The following FBXL2 variants were observed in gnomAD, a reference collection of about 807,000 sequenced individuals.
The protein encoded by FBXL2 is F-box and leucine rich repeat protein 2.
A neutral mutation model predicts 69.2 loss-of-function variants in FBXL2; 38 were observed. That is an observed-to-expected ratio of 0.55 (90% CI 0.42 to 0.72). The LOEUF is 0.72. FBXL2 is among the 30% of genes least tolerant of loss of function. The pLI, the probability that FBXL2 is intolerant of heterozygous loss-of-function variation, is 0.00. For missense variants in FBXL2, 354 were observed against 520.3 expected (o/e 0.68, Z 3.11); for synonymous variants, 192 against 201.3 (o/e 0.95, Z 0.39).
intron 2 of FBXL2, among the ~76,000 whole-genome samples, chr3:33,340,329 C>A (rs1008365651): frequency 6.6e-6 from 1 of 151,966 alleles, no homozygotes; most frequent in Non-Finnish European, 1.5e-5. Flanking sequence ...ACTGAACATG[C>A]AATAATGACC....
chr3:33,330,758 G>A (rs894487408), intron 2 of FBXL2, among the ~76,000 whole-genome samples: 3 of 151,846 alleles, frequency 2.0e-5, no homozygotes, highest in Admixed American at 2.0e-4. Context: ...GTGTAGTGGC[G>A]TGTGCCTGTA....
At chr3:33,338,092 T>TC (rs1447999464) in intron 2 of FBXL2, among the ~76,000 whole-genome samples, 1 of 152,194 alleles carries the variant, frequency 6.6e-6, no homozygotes, top group South Asian at 2.1e-4. Flanking sequence ...GCCTTTTTTT[T>TC]CACAGAATTA....
chr3:33,412,894 C>A, the FBXL2 span: 23 of 1,017,230 alleles, frequency 2.3e-5, 1 homozygote, highest in South Asian at 2.8e-4. Flanking sequence ...ACCATTTCTA[C>A]TTCTTATGTG....
intron 1 of FBXL2, among the ~76,000 whole-genome samples, chr3:33,288,143 C>T (rs1031534986): frequency 2.0e-5 from 3 of 152,204 alleles, no homozygotes; most frequent in Non-Finnish European, 4.4e-5. Flanking sequence ...TCTAAGGAGA[C>T]AGAACAGGGC....
intron 13 of FBXL2, among the ~76,000 whole-genome samples, chr3:33,379,959 A>G (rs1178631536): frequency 1.3e-5 from 2 of 152,152 alleles, no homozygotes; most frequent in Non-Finnish European, 2.9e-5. Context: ...AGGGCTGGGC[A>G]CGGTGGCTCA....
At chr3:33,335,529 G>C (rs1258928482) in intron 2 of FBXL2, among the ~76,000 whole-genome samples, 1 of 152,110 alleles carries the variant, frequency 6.6e-6, no homozygotes, top group East Asian at 1.9e-4. Context: ...GACAGAACGA[G>C]ACCCTGTCTC....
chr3:33,372,776 C>G, intron 5 of FBXL2: 1 of 468,918 alleles, frequency 2.1e-6, no homozygotes, highest in South Asian at 2.5e-5. Flanking sequence ...GGCCTCTATT[C>G]TCATGATTCG....
Position 33,353,711 on chromosome 3 carries a change from C to T in FBXL2, c.66-5256C>T, listed in dbSNP as rs561651024. Among the ~76,000 whole-genome samples, 3 of 152,206 alleles carry T rather than the reference C, an allele frequency of 2.0e-5. No homozygotes were observed. In the South Asian group the frequency reaches 6.2e-4, roughly 32 times the overall value. On this transcript the variant is annotated intron_variant, in intron 2 of 14. Transcript: ENST00000484457. ...CAAGACCAACCTGGACAACATAGAC[C>T]CCATCTCTTCAAAAAATTTTTTTTT... is the stretch of plus-strand genomic sequence containing the variant.
At chr3:33,345,308 C>G (rs187302839) in intron 2 of FBXL2, among the ~76,000 whole-genome samples, 9 of 152,096 alleles carry the variant, frequency 5.9e-5, no homozygotes, top group Non-Finnish European at 7.4e-5. Flanking sequence ...TTTGCACAAC[C>G]CTTTTTCCAA....
At chr3:33,403,326 G>A (rs568438185) in exon 13 of FBXL2, 2 of 237,002 alleles carry the variant, frequency 8.4e-6, no homozygotes, top group Admixed American at 5.3e-5. Flanking sequence ...CCTGAAACAT[G>A]GCTCTGACCT....
At chr3:33,292,146 G>A (rs1187680692) in intron 1 of FBXL2, among the ~76,000 whole-genome samples, 2 of 152,150 alleles carry the variant, frequency 1.3e-5, no homozygotes, top group African/African-American at 2.4e-5. Flanking sequence ...TTGGAAGGCC[G>A]AGGCAGGTGG....
intron 9 of FBXL2, among the ~76,000 whole-genome samples, chr3:33,374,194 C>T (rs955264371): frequency 1.3e-5 from 2 of 152,102 alleles, no homozygotes; most frequent in South Asian, 2.1e-4. Context: ...GTATTAGGGA[C>T]GCTATTGAGG....
chr3:33,348,798 T>C (rs1196434170), intron 2 of FBXL2, among the ~76,000 whole-genome samples: 1 of 152,150 alleles, frequency 6.6e-6, no homozygotes, highest in Non-Finnish European at 1.5e-5. Flanking sequence ...ATTTCATTAG[T>C]GTTTTATATT....
downstream of FBXL2, among the ~76,000 whole-genome samples, chr3:33,405,457 AATTT>A (rs1378102120): frequency 3.3e-5 from 5 of 152,320 alleles, 1 homozygote; most frequent in African/African-American, 1.2e-4. Context: ...CAGCTATTTA[AATTT>A]ATGATGAAAA....
intron 11 of FBXL2, among the ~76,000 whole-genome samples, chr3:33,377,656 C>T (rs1209897299): frequency 1.3e-5 from 2 of 152,180 alleles, no homozygotes; most frequent in African/African-American, 4.8e-5. Context: ...TGCCCTTTGT[C>T]CTGCAAACAC....
chr3:33,320,421 G>A (rs1164187215), intron 2 of FBXL2, among the ~76,000 whole-genome samples: 1 of 150,898 alleles, frequency 6.6e-6, no homozygotes, highest in African/African-American at 2.4e-5. Flanking sequence ...GCATGTGAAA[G>A]GAAAGACTTT....
At chr3:33,379,946 A>G (rs886305765) in intron 13 of FBXL2, among the ~76,000 whole-genome samples, 2 of 152,188 alleles carry the variant, frequency 1.3e-5, no homozygotes, top group Non-Finnish European at 2.9e-5. Context: ...GACAAAATTC[A>G]AGAGGGCTGG....
intron 12 of FBXL2, 58 bp downstream of exon 12, chr3:33,378,205 GTGCAGC>G (rs1289870514): frequency 5.9e-6 from 9 of 1,513,590 alleles, no homozygotes; most frequent in Non-Finnish European, 1.8e-6. Context: ...TTGCTGGCCA[GTGCAGC>G]ACAGCCAGAG....
chr3:33,284,174 C>A (rs896085575), intron 1 of FBXL2, among the ~76,000 whole-genome samples: 4 of 152,178 alleles, frequency 2.6e-5, no homozygotes, highest in African/African-American at 9.7e-5. Context: ...TCTGCTTTCT[C>A]TTGTGGGCAT....
Sources: gnomAD v4.1 joint callset for allele counts (sites outside exome capture counted in the v4.1 genomes callset) on GRCh38, gnomAD v4.1.1 for gene constraint, MANE v1.5 for transcripts, NCBI Gene and HGNC (gene_info 2026-07-23, HGNC 2026-07-21) for gene names.